The following CCT6B variants were observed in gnomAD, a reference collection of about 807,000 sequenced individuals.
CCT6B encodes the protein chaperonin containing TCP1 subunit 6B, also known as probable T-complex protein 1 subunit zeta-2.
CCT6B carries 49 observed loss-of-function variants against 61.5 expected under a neutral mutation model. That is an observed-to-expected ratio of 0.80 (90% CI 0.63 to 1.01). The LOEUF is 1.01. CCT6B is among the 50% of genes least tolerant of loss of function. The probability of loss-of-function intolerance (pLI) is 0.00; values close to 1 mark genes in which losing one functional copy is unlikely to be tolerated. For missense variants in CCT6B, 666 were observed against 634.7 expected (o/e 1.05, Z -0.53); for synonymous variants, 228 against 214.5 (o/e 1.06, Z -0.55).
intron 10 of CCT6B, 23 bp downstream of exon 10, chr17:34,939,160 A>C (rs763825683): frequency 1.1e-5 from 18 of 1,603,310 alleles, no homozygotes; most frequent in Non-Finnish European, 1.5e-5. Flanking sequence ...TGAGGTTCAT[A>C]TCAATCACAA....
At chr17:34,959,122 A>AT (rs2090381379) in intron 2 of CCT6B, among the ~76,000 whole-genome samples, 1 of 91,926 alleles carries the variant, frequency 1.1e-5, no homozygotes, top group Non-Finnish European at 2.2e-5. Flanking sequence ...AAAAAAAAAA[A>AT]CTTTTTTTTT....
In CCT6B at chr17:34,939,615, A is replaced by C; in HGVS notation, c.1065+2T>G. 1 of 1,564,116 alleles carries C rather than the reference A, an allele frequency of 6.4e-7. No individual in the cohort carries two copies. The highest frequency in any genetic ancestry group is 1.3e-5 in the African/African-American group (1 of 74,124). Reference sequence around the variant, plus strand: ...ATAACCACTGTTCATAGAAATACTCACTAATGTATACTCATACACAAGACC... The same window carrying C: ...ATAACCACTGTTCATAGAAATACTCCCTAATGTATACTCATACACAAGACC... On this transcript the variant is annotated splice_donor_variant, in intron 9 of 13. Transcript: ENST00000314144. LOFTEE classifies it high-confidence loss of function.
intron 7 of CCT6B, 70 bp from the exon 8 acceptor site, chr17:34,940,691 GCAC>G (rs2090153565): frequency 4.0e-6 from 3 of 746,786 alleles, no homozygotes; most frequent in Non-Finnish European, 2.2e-6. Flanking sequence ...TTTGGTCTCA[GCAC>G]CACTTTACTC....
Position 34,954,572 on chromosome 17 carries a change from C to T in CCT6B, c.364G>A (p.Gly122Arg). 6.2e-7 allele frequency: 1 copy of T among 1,613,434 alleles called. No homozygotes were observed. The highest frequency in any genetic ancestry group is 1.7e-5 in the Admixed American group (1 of 59,930). The change falls in exon 4 of 14, where the codon GGA becomes AGA. Residue 122 changes from glycine to arginine, a missense_variant. Physicochemically the swap from Gly to Arg is moderately radical, Grantham distance 125. Coordinates refer to ENST00000314144, the MANE Select transcript of CCT6B (RefSeq NM_006584.4). ...EGLHPRIIAE[G>R]FEAAKIKALE... ...GCTTTTATCTTTGCAGCTTCAAATCCTTCAGCTATTATTCTAGGGTGCAGG... is the reference window on the plus strand; with the variant it reads ...GCTTTTATCTTTGCAGCTTCAAATCTTTCAGCTATTATTCTAGGGTGCAGG...
chr17:34,960,189 T>A (rs1427268005), intron 1 of CCT6B, among the ~76,000 whole-genome samples: 4 of 152,214 alleles, frequency 2.6e-5, no homozygotes. Context: ...GCAACGTGAT[T>A]CAGTCAGTTC....
intron 5 of CCT6B, 70 bp downstream of exon 5, chr17:34,951,880 A>G (rs2090295308): frequency 1.5e-6 from 1 of 673,944 alleles, no homozygotes; most frequent in East Asian, 2.9e-5. Flanking sequence ...AAAGTAAGTA[A>G]TGAATTTAAT....
At chr17:34,961,176 T>C in intron 1 of CCT6B, 81 bp downstream of exon 1, 2 of 1,493,282 alleles carry the variant, frequency 1.3e-6, no homozygotes, top group South Asian at 2.6e-5. Flanking sequence ...TCCACAGCGC[T>C]ACGCGGACGC....
intron 2 of CCT6B, among the ~76,000 whole-genome samples, chr17:34,959,237 C>T (rs1345070418): frequency 1.3e-5 from 2 of 150,208 alleles, no homozygotes; most frequent in African/African-American, 4.9e-5. Context: ...GATCCTCTCA[C>T]CTCAGCCTCC....
chr17:34,954,389 C>T (rs777827778), intron 4 of CCT6B, 37 bp downstream of exon 4: 1 of 1,494,160 alleles, frequency 6.7e-7, no homozygotes. Flanking sequence ...ATGCATTAGG[C>T]TATATTTGTT....
chr17:34,939,865 G>A (rs1286197662), intron 8 of CCT6B, 152 bp from the exon 9 acceptor site: 10 of 617,968 alleles, frequency 1.6e-5, no homozygotes, highest in Admixed American at 5.5e-5. Context: ...TATATTTATC[G>A]AGTACAACAT....
At chr17:34,938,562 A>AAT (rs1567665276) in intron 10 of CCT6B, among the ~76,000 whole-genome samples, 1 of 151,826 alleles carries the variant, frequency 6.6e-6, no homozygotes, top group East Asian at 2.0e-4. Flanking sequence ...TCTTGAGAAA[A>AAT]ATATATATAT....
At chr17:34,957,549 C>T (rs1267829333) in intron 3 of CCT6B, among the ~76,000 whole-genome samples, 1 of 152,212 alleles carries the variant, frequency 6.6e-6, no homozygotes, top group African/African-American at 2.4e-5. Flanking sequence ...TGTTATCACA[C>T]AACCTGACAG....
At position 34,955,223 on chromosome 17, in the gene CCT6B, G is replaced by A. The variant is rs192880347; in HGVS notation, c.337-624C>T. ...AGCTTAAAGGATACTAAAGGAACAC[G>A]ACAACTGAGTGCAATGCATGAACTT... On this transcript the variant is annotated intron_variant, in intron 3 of 13. Coordinates refer to ENST00000314144, the MANE Select transcript of CCT6B (RefSeq NM_006584.4). Among the ~76,000 whole-genome samples the A allele has an allele frequency of 3.1e-4, 47 of 152,284 alleles. No homozygotes were observed. The East Asian group carries it at 6.9e-3, about 22-fold the overall frequency.
At chr17:34,957,433 C>T (rs1009534782) in intron 3 of CCT6B, among the ~76,000 whole-genome samples, 5 of 152,200 alleles carry the variant, frequency 3.3e-5, no homozygotes, top group East Asian at 3.9e-4. Flanking sequence ...TGTGAGCCAC[C>T]GCACCTGGCC....
chr17:34,929,628 C>T (rs1172636005), intron 12 of CCT6B, among the ~76,000 whole-genome samples: 1 of 151,832 alleles, frequency 6.6e-6, no homozygotes, highest in African/African-American at 2.4e-5. Context: ...ATTCTCCTGA[C>T]TCAGCCTCCC....
chr17:34,946,343 C>A (rs2090223654), intron 5 of CCT6B, among the ~76,000 whole-genome samples: 1 of 151,864 alleles, frequency 6.6e-6, no homozygotes, highest in African/African-American at 2.4e-5. Flanking sequence ...TAATAAACAC[C>A]AGAAAGGGAC....
chr17:34,929,058 T>C (rs2090004811), intron 12 of CCT6B, 24 bp from the exon 13 acceptor site: 2 of 1,440,894 alleles, frequency 1.4e-6, no homozygotes, highest in East Asian at 4.6e-5. Flanking sequence ...ACAATTTTCA[T>C]ACCAAAATCT....
In CCT6B at chr17:34,939,699, C is replaced by T; in HGVS notation, c.983G>A (p.Cys328Tyr). The T allele has an allele frequency of 3.7e-6, 6 of 1,611,642 alleles. No homozygotes were observed. The highest frequency in any genetic ancestry group is 5.1e-6 in the Non-Finnish European group (6 of 1,177,826). ...AAAAGAATTCACGGCCATTCCACCA[C>T]AAGCAAGAGAGAGTCTGAAATTACA... The part of the protein sequence containing the change: ...RRNMERLSLA[C>Y]GGMAVNSFED... Residue 328 changes from cysteine to tyrosine, a missense_variant, in exon 9 of 14, where the codon TGT becomes TAT. Physicochemically the swap from Cys to Tyr is radical, Grantham distance 194. Coordinates refer to ENST00000314144, the MANE Select transcript of CCT6B (RefSeq NM_006584.4).
intron 10 of CCT6B, among the ~76,000 whole-genome samples, chr17:34,935,532 G>A (rs2090084001): frequency 6.6e-6 from 1 of 152,112 alleles, no homozygotes; most frequent in Non-Finnish European, 1.5e-5. Context: ...TTTGACATTT[G>A]AATCAATCAA....
Sources: gnomAD v4.1 joint callset for allele counts (sites outside exome capture counted in the v4.1 genomes callset) on GRCh38, gnomAD v4.1.1 for gene constraint, MANE v1.5 for transcripts, NCBI Gene and HGNC (gene_info 2026-07-23, HGNC 2026-07-21) for gene names.